Variants in MPPED1 observed in about 807,000 individuals in gnomAD.
The protein encoded by MPPED1 is metallophosphoesterase domain-containing protein 1.
MPPED1 carries 16 observed loss-of-function variants against 36.2 expected under a neutral mutation model. The observed-to-expected ratio is 0.44, with a 90% CI of 0.30 to 0.67. MPPED1 has a LOEUF of 0.67. Ranked by LOEUF, MPPED1 falls within the 30% of genes least tolerant of loss-of-function variation. MPPED1 has a pLI of 0.10. For synonymous variants in MPPED1, 199 were observed against 191.3 expected, an observed-to-expected ratio of 1.04 and a Z score of -0.33; for missense variants, 307 against 453.4, an observed-to-expected ratio of 0.68 and a Z score of 2.93.
rs75964557 is a variant in MPPED1, at chr22:43,441,794, C to T, written c.406+6579C>T. On this transcript the variant is annotated intron_variant, in intron 3 of 6. Transcript: ENST00000443721. ...GGGAGAAAGGGAAATGGAGAATTTA[C>T]GTCAAGGCAGTTTCTTTGGTTCTTG... is the stretch of plus-strand genomic sequence containing the variant. Among the ~76,000 whole-genome samples, 572 of 152,324 alleles carry T rather than the reference C, an allele frequency of 3.8e-3. 1 individual carries two copies. The highest frequency in any genetic ancestry group is 0.017 in the Middle Eastern group (5 of 294).
At chr22:43,418,760 G>C (rs1203748281) in intron 1 of MPPED1, 1 of 153,086 alleles carries the variant, frequency 6.5e-6, no homozygotes, top group Non-Finnish European at 1.5e-5. Context: ...GCAGTGTCCA[G>C]ATGGGGGTGG....
intron 2 of MPPED1, among the ~76,000 whole-genome samples, chr22:43,428,804 C>T (rs1440957068): frequency 6.6e-6 from 1 of 151,874 alleles, no homozygotes; most frequent in Non-Finnish European, 1.5e-5. Context: ...AGACTCCTTG[C>T]CCCGGTGACT....
intron 4 of MPPED1, among the ~76,000 whole-genome samples, chr22:43,479,974 C>A (rs1222648842): frequency 3.3e-5 from 5 of 152,124 alleles, no homozygotes; most frequent in African/African-American, 9.7e-5. Flanking sequence ...GTGATCCCCC[C>A]ACCTCAGCCT....
rs552977541 is a variant in MPPED1 at position 43,434,447 on chromosome 22, G to C, written c.225-587G>C. The stretch of plus-strand genomic sequence containing the variant: ...GCCCGGGCAGTTGTCCTCATCGCCC[G>C]ACCACAGGCTTTACTCCATGCGGTC... On this transcript the variant is annotated intron_variant, in intron 2 of 6. Coordinates refer to ENST00000443721, the MANE Select transcript of MPPED1 (RefSeq NM_001044370.2). Among the ~76,000 whole-genome samples the C allele has an allele frequency of 5.9e-5, 9 of 152,338 alleles. No homozygotes were observed. In the South Asian group the frequency reaches 1.7e-3, roughly 28 times the overall value.
Position 43,502,766 on chromosome 22 carries a change from G to T in MPPED1, c.862+9G>T. On this transcript the variant is annotated intron_variant, in intron 6 of 6. Coordinates refer to ENST00000443721, the MANE Select transcript of MPPED1 (RefSeq NM_001044370.2). This position sits in a 1 kb window ranked among gnomAD's most constrained non-coding sequence, Gnocchi z 5.5. ...TGGCCACATCCACGAAGGTCAGTAC[G>T]TAGCGGAGACAGGCACCTCACGGGC... 2 of 1,611,844 alleles carry T rather than the reference G, an allele frequency of 1.2e-6. No individual in the cohort carries two copies. Among genetic ancestry groups the T allele is most frequent in the Non-Finnish European group, 1.7e-6 (2 of 1,178,620 alleles).
intron 5 of MPPED1, among the ~76,000 whole-genome samples, chr22:43,500,465 G>C (rs552782678): frequency 6.6e-6 from 1 of 151,862 alleles, no homozygotes; most frequent in Non-Finnish European, 1.5e-5. Context: ...TGGTGGAGGT[G>C]GTGGAGGCGA....
At position 43,426,879 on chromosome 22, in the gene MPPED1, G is replaced by A. The variant is rs551619421; in HGVS notation, c.224+1670G>A. ...TTTCTGTTTTTGGAGCCCGATTGGCGGGTTTGGGCAGGAAGGAAGGCCCCG... is the reference window on the plus strand; with the variant it reads ...TTTCTGTTTTTGGAGCCCGATTGGCAGGTTTGGGCAGGAAGGAAGGCCCCG... On this transcript the variant is annotated intron_variant, in intron 2 of 6. Coordinates refer to ENST00000443721, the MANE Select transcript of MPPED1 (RefSeq NM_001044370.2). 5.9e-5 allele frequency among the ~76,000 whole-genome samples: 9 copies of A among 152,358 alleles called. 1 individual carries two copies. Among genetic ancestry groups the A allele is most frequent in the South Asian group, 2.1e-4 (1 of 4,830 alleles).
chr22:43,491,152 A>G lies in MPPED1; in HGVS notation c.633-7083A>G, dbSNP rs544777071. Among the ~76,000 whole-genome samples, 4 of 152,318 alleles carry G rather than the reference A, an allele frequency of 2.6e-5. No individual in the cohort carries two copies. In the South Asian group the frequency reaches 8.3e-4, roughly 32 times the overall value. ...TGCTGTTGCCATTCATCAAAATGCA[A>G]TTTGAAAGACCCTGCTGTAGGCCAA... On this transcript the variant is annotated intron_variant, in intron 4 of 6. Transcript: ENST00000443721.
chr22:43,498,429 C>A (rs2146919283), intron 5 of MPPED1, 79 bp downstream of exon 5: 1 of 1,186,226 alleles, frequency 8.4e-7, no homozygotes, highest in Non-Finnish European at 1.2e-6. Flanking sequence ...GCTGGCTGGG[C>A]CTGTATAGGG....
intron 1 of MPPED1, chr22:43,418,004 G>C (rs1337830140): frequency 2.2e-6 from 1 of 455,486 alleles, no homozygotes; most frequent in Non-Finnish European, 4.4e-6. Context: ...TAAGACAGTC[G>C]TTTCTGTGTG....
chr22:43,454,224 G>C (rs578075351), intron 3 of MPPED1, among the ~76,000 whole-genome samples: 2 of 152,076 alleles, frequency 1.3e-5, no homozygotes, highest in South Asian at 4.1e-4. Context: ...GGCCAGGCTG[G>C]TCTCGAACTC....
intron 1 of MPPED1, among the ~76,000 whole-genome samples, chr22:43,423,218 T>A (rs1427194145): frequency 6.6e-6 from 1 of 152,296 alleles, no homozygotes; most frequent in East Asian, 1.9e-4. Flanking sequence ...AAGTCAGCCA[T>A]GCTGGGGCTT....
intron 3 of MPPED1, among the ~76,000 whole-genome samples, chr22:43,460,432 G>A (rs980021154): frequency 9.2e-5 from 14 of 151,942 alleles, no homozygotes; most frequent in African/African-American, 3.1e-4. Flanking sequence ...CTGGGTTCAA[G>A]TGATTCTCCT....
intron 2 of MPPED1, among the ~76,000 whole-genome samples, chr22:43,434,485 A>G (rs937583778): frequency 6.6e-6 from 1 of 152,242 alleles, no homozygotes; most frequent in Non-Finnish European, 1.5e-5. Flanking sequence ...AGTGGGGGCC[A>G]TAGCGCCCCT....
intron 2 of MPPED1, among the ~76,000 whole-genome samples, chr22:43,427,749 T>G (rs1316185553): frequency 1.3e-5 from 2 of 152,076 alleles, no homozygotes; most frequent in African/African-American, 4.8e-5. Context: ...TTCGCCAACC[T>G]GGAGCTGGCT....
intron 3 of MPPED1, among the ~76,000 whole-genome samples, chr22:43,442,680 C>T (rs1051707667): frequency 2.6e-5 from 4 of 152,132 alleles, no homozygotes; most frequent in Non-Finnish European, 4.4e-5. Context: ...TGCAGGGCAC[C>T]AAGCACTGGA....
At position 43,507,337 on chromosome 22, in the gene MPPED1, C is replaced by T. The variant is rs1932829516; in HGVS notation, c.*1721C>T. ...CTGAACCCTGGGTGCAGCATCCTAG[C>T]ATCCTGGGAGTCCTTTTCTGCCCAC... On this transcript the variant is annotated 3_prime_UTR_variant, in exon 7 of 7. Transcript: ENST00000443721. The T allele has an allele frequency of 6.6e-6, 1 of 152,250 alleles. No individual in the cohort carries two copies. Among genetic ancestry groups the T allele is most frequent in the African/African-American group, 2.4e-5 (1 of 41,452 alleles). 9.4% of individuals were successfully genotyped at this position (152,250 alleles called of 1,614,324 possible).
At chr22:43,427,861 A>AC (rs367622791) in intron 2 of MPPED1, among the ~76,000 whole-genome samples, 37 of 150,662 alleles carry the variant, frequency 2.5e-4, no homozygotes, top group African/African-American at 8.5e-4. Context: ...GCTGGTCCTC[A>AC]CCCCCCGTGA....
chr22:43,422,282 A>G (rs1359923942), intron 1 of MPPED1, among the ~76,000 whole-genome samples: 1 of 152,200 alleles, frequency 6.6e-6, no homozygotes, highest in Non-Finnish European at 1.5e-5. Flanking sequence ...TTTGTCAAAC[A>G]TGAGACATGG....
Sources: allele counts gnomAD v4.1 joint callset (sites outside exome capture counted in the v4.1 genomes callset), GRCh38; gene constraint gnomAD v4.1.1; non-coding constraint Gnocchi (gnomAD v3.1); transcripts MANE v1.5; gene names NCBI Gene and HGNC (gene_info 2026-07-23, HGNC 2026-07-21).